The following PRKAG2 variants were observed in gnomAD, a reference collection of about 807,000 sequenced individuals.
The protein encoded by PRKAG2 is protein kinase AMP-activated non-catalytic subunit gamma 2, also known as 5'-AMP-activated protein kinase subunit gamma-2.
Under a neutral mutation model 69.6 loss-of-function variants are expected in PRKAG2, and 26 were observed. The ratio of observed to expected loss-of-function variants is 0.37; its 90% CI spans 0.27 to 0.52. The LOEUF (loss-of-function observed/expected upper bound fraction) is 0.52. Ranked by LOEUF, PRKAG2 falls within the 20% of genes least tolerant of loss-of-function variation. The probability of loss-of-function intolerance (pLI) is 0.90; values close to 1 mark genes in which losing one functional copy is unlikely to be tolerated. For synonymous variants in PRKAG2, 293 were observed against 285.0 expected (o/e 1.03, Z -0.28); for missense variants, 557 against 740.0 (o/e 0.75, Z 2.87).
At chr7:151,731,883 G>C (rs1209847275) in intron 3 of PRKAG2, among the ~76,000 whole-genome samples, 1 of 152,172 alleles carries the variant, frequency 6.6e-6, no homozygotes, top group Non-Finnish European at 1.5e-5. Flanking sequence ...TGTCTCCCAG[G>C]CTGGAGTGCA....
At chr7:151,703,125 G>T (rs1006762355) in intron 3 of PRKAG2, among the ~76,000 whole-genome samples, 2 of 152,136 alleles carry the variant, frequency 1.3e-5, no homozygotes, top group Non-Finnish European at 2.9e-5. Flanking sequence ...CACATTGCCT[G>T]CTGCTCAAAT....
At chr7:151,703,637 G>A (rs545930953) in intron 3 of PRKAG2, among the ~76,000 whole-genome samples, 1 of 152,094 alleles carries the variant, frequency 6.6e-6, no homozygotes, top group East Asian at 1.9e-4. Flanking sequence ...TACCCACATG[G>A]CAGCCCCCTT....
intron 3 of PRKAG2, among the ~76,000 whole-genome samples, chr7:151,721,923 C>A (rs1046529236): frequency 2.6e-5 from 4 of 152,140 alleles, no homozygotes; most frequent in Non-Finnish European, 1.5e-5. Context: ...CCCTGCTACT[C>A]CCTCGAGGCC....
chr7:151,837,796 C>T (rs1474025656), intron 1 of PRKAG2, among the ~76,000 whole-genome samples: 1 of 152,162 alleles, frequency 6.6e-6, no homozygotes, highest in Non-Finnish European at 1.5e-5. Flanking sequence ...GCTCCCCTAC[C>T]GAGTGGGCCT....
intron 5 of PRKAG2, among the ~76,000 whole-genome samples, chr7:151,618,033 A>G (rs1444635704): frequency 6.6e-6 from 1 of 152,208 alleles, no homozygotes; most frequent in Non-Finnish European, 1.5e-5. Context: ...AATTAAACTC[A>G]TAAGTTGGCT....
intron 4 of PRKAG2, among the ~76,000 whole-genome samples, chr7:151,637,211 T>C (rs1259677110): frequency 3.3e-5 from 5 of 152,138 alleles, no homozygotes; most frequent in African/African-American, 4.8e-5. Context: ...TACAATTATC[T>C]CAAAATAAAA....
At position 151,773,048 on chromosome 7, in the gene PRKAG2, AGAGAGGGAGG is replaced by A. The variant is rs1182054491; in HGVS notation, c.466+8094_466+8103del. On this transcript the variant is annotated intron_variant, in intron 3 of 15. Transcript: ENST00000287878. Reference sequence around the variant, plus strand: ...AAGAGAGAGAGAGAGAGAGAGAGAGAGAGAGGGAGGGAGGGAGGGAGGGAGGGAGGGAGGG... The same window carrying A: ...AAGAGAGAGAGAGAGAGAGAGAGAGAGAGGGAGGGAGGGAGGGAGGGAGGG... Among the ~76,000 whole-genome samples, 65 of 34,522 alleles carry A rather than the reference AGAGAGGGAGG, an allele frequency of 1.9e-3. 1 individual carries two copies. In the East Asian group the frequency reaches 0.028, roughly 15 times the overall value. The allele number at this position is 34,522 out of a possible 152,430, so 22.6% of individuals were successfully genotyped here.
intron 3 of PRKAG2, among the ~76,000 whole-genome samples, chr7:151,692,565 CA>C (rs1722613477): frequency 7.1e-6 from 1 of 141,314 alleles, no homozygotes; most frequent in Non-Finnish European, 1.5e-5. Context: ...CAGAATAGCA[CA>C]TTTTTTTTTA....
chr7:151,765,335 C>T (rs529363598), intron 3 of PRKAG2, among the ~76,000 whole-genome samples: 1 of 152,244 alleles, frequency 6.6e-6, no homozygotes, highest in African/African-American at 2.4e-5. Flanking sequence ...AACCAGATCT[C>T]GTGAGAACTC....
At chr7:151,849,290 G>T (rs568334281) in intron 1 of PRKAG2, among the ~76,000 whole-genome samples, 1 of 152,346 alleles carries the variant, frequency 6.6e-6, no homozygotes, top group South Asian at 2.1e-4. Context: ...CACACGGGGC[G>T]GTCTGGCCAT....
At chr7:151,627,174 G>A (rs991881757) in intron 5 of PRKAG2, among the ~76,000 whole-genome samples, 1 of 152,142 alleles carries the variant, frequency 6.6e-6, no homozygotes, top group Admixed American at 6.5e-5. Flanking sequence ...GAGGCCTCAC[G>A]GGTTGTCCAA....
At chr7:151,616,793 T>C (rs1820253193) in intron 5 of PRKAG2, among the ~76,000 whole-genome samples, 1 of 152,184 alleles carries the variant, frequency 6.6e-6, no homozygotes, top group African/African-American at 2.4e-5. Context: ...AGAAACATTC[T>C]AGGAAGACGT....
rs1489602643 is a variant in PRKAG2 at position 151,749,861 on chromosome 7, C to T, written c.466+31291G>A. Reference sequence around the variant, plus strand: ...CCTGTCATCTCAGCACTTTGGGAGGCCGAGGTGGGCAGATCACGTGAGGTC... The same window carrying T: ...CCTGTCATCTCAGCACTTTGGGAGGTCGAGGTGGGCAGATCACGTGAGGTC... On this transcript the variant is annotated intron_variant, in intron 3 of 15. Transcript: ENST00000287878. 2.0e-5 allele frequency among the ~76,000 whole-genome samples: 3 copies of T among 151,172 alleles called. No homozygotes were observed. In the East Asian group the frequency reaches 5.8e-4, roughly 29 times the overall value.
At chr7:151,586,598 C>T (rs1811739743) in intron 6 of PRKAG2, among the ~76,000 whole-genome samples, 1 of 152,212 alleles carries the variant, frequency 6.6e-6, no homozygotes, top group Admixed American at 6.5e-5. Context: ...GTGCTCTCCG[C>T]AACTATTGTG....
intron 4 of PRKAG2, among the ~76,000 whole-genome samples, chr7:151,667,760 T>C (rs1831261046): frequency 6.6e-6 from 1 of 152,180 alleles, no homozygotes; most frequent in Non-Finnish European, 1.5e-5. Context: ...CCATGTGGAA[T>C]TGAGACAAGT....
intron 5 of PRKAG2, among the ~76,000 whole-genome samples, chr7:151,610,739 C>CTTTTTTTTT (rs10523596): frequency 2.8e-5 from 3 of 105,568 alleles, no homozygotes; most frequent in African/African-American, 7.1e-5. Flanking sequence ...TTTTTCTTTT[C>CTTTTTTTTT]TTTTTTTTTT....
At chr7:151,798,962 T>C (rs1465448995) in intron 1 of PRKAG2, among the ~76,000 whole-genome samples, 1 of 152,166 alleles carries the variant, frequency 6.6e-6, no homozygotes, top group Non-Finnish European at 1.5e-5. Flanking sequence ...GCAGGGTAGC[T>C]TGGCCTCATC....
intron 5 of PRKAG2, among the ~76,000 whole-genome samples, chr7:151,626,783 C>A (rs1823042231): frequency 7.0e-6 from 1 of 142,308 alleles, no homozygotes; most frequent in Non-Finnish European, 1.5e-5. Context: ...TCATTATACT[C>A]CCCTCCCTGA....
intron 3 of PRKAG2, among the ~76,000 whole-genome samples, chr7:151,697,536 T>C (rs915552494): frequency 1.3e-5 from 2 of 152,236 alleles, no homozygotes; most frequent in African/African-American, 4.8e-5. Context: ...GAGCCCCTGG[T>C]CCTTGGCTTG....
Sources: gnomAD v4.1 joint callset for allele counts (sites outside exome capture counted in the v4.1 genomes callset) on GRCh38, gnomAD v4.1.1 for gene constraint, MANE v1.5 for transcripts, NCBI Gene and HGNC (gene_info 2026-07-23, HGNC 2026-07-21) for gene names.